ABHD2: variants seen among roughly 807,000 people sequenced by gnomAD.
ABHD2 encodes the protein abhydrolase domain containing 2, acylglycerol lipase.
In ABHD2, 20 loss-of-function variants were observed where a neutral mutation model predicts 48.1. That is an observed-to-expected ratio of 0.42 (90% CI 0.29 to 0.60). The LOEUF (loss-of-function observed/expected upper bound fraction) is 0.60, where lower values mean the gene tolerates loss of function less well. ABHD2 is among the 20% of genes least tolerant of loss of function. ABHD2 has a pLI of 0.24. For synonymous variants in ABHD2, 209 were observed against 214.2 expected (o/e 0.98, Z 0.21); for missense variants, 405 against 550.9 (o/e 0.74, Z 2.65).
chr15:89,081,973 G>C, the ABHD2 span, among the ~76,000 whole-genome samples: 1 of 152,118 alleles, frequency 6.6e-6, no homozygotes, highest in African/African-American at 2.4e-5. Flanking sequence ...CGGCCCACAA[G>C]GTTTCTCAAC....
At chr15:89,082,807 T>C (rs1901303390), upstream of ABHD2, 1 of 152,212 alleles carries the variant, frequency 6.6e-6, no homozygotes, top group African/African-American at 2.4e-5. The surrounding 1 kb of genome is among the most constrained non-coding windows in gnomAD (Gnocchi z 4.4). Context: ...TTTAAATATA[T>C]GGTAAAATAA....
At position 89,201,473 on chromosome 15, in the gene ABHD2, C is replaced by T; in HGVS notation, c.*6050C>T. The T allele has an allele frequency of 6.5e-7, 1 of 1,527,786 alleles. No individual in the cohort carries two copies. Among genetic ancestry groups the T allele is most frequent in the Non-Finnish European group, 9.0e-7 (1 of 1,108,332 alleles). The allele number at this position is 1,527,786 out of a possible 1,614,324, so 94.6% of individuals were successfully genotyped here. Reference sequence around the variant, plus strand: ...TCATGAGGTTTTGCCTCATTCCACACAGCTTCCATATCTGAAGTGTTTAGT... The same window carrying T: ...TCATGAGGTTTTGCCTCATTCCACATAGCTTCCATATCTGAAGTGTTTAGT... On this transcript the variant is annotated 3_prime_UTR_variant, in exon 11 of 11. Transcript: ENST00000352732.
intron 5 of ABHD2, among the ~76,000 whole-genome samples, chr15:89,162,842 G>C (rs1277958001): frequency 6.6e-6 from 1 of 152,198 alleles, no homozygotes; most frequent in Non-Finnish European, 1.5e-5. Flanking sequence ...CACTCCATGA[G>C]AGCAGGCAGT....
rs1191653904 is a variant in ABHD2 at position 89,188,369 on chromosome 15, G to T, written c.926+66G>T. ...GTGCCAGGCAGGAGGCTGCAGGTCA[G>T]CTGTGCCCAGCACTAGTGTTTGCTC... On this transcript the variant is annotated intron_variant, in intron 8 of 10. Coordinates refer to ENST00000352732, the MANE Select transcript of ABHD2 (RefSeq NM_152924.5). The surrounding 1 kb of genome is among the most constrained non-coding windows in gnomAD (Gnocchi z 4.1). The T allele has an allele frequency of 4.2e-6, 6 of 1,417,064 alleles. No homozygotes were observed. The highest frequency in any genetic ancestry group is 6.0e-6 in the Non-Finnish European group (6 of 1,007,236). 87.8% of individuals were successfully genotyped at this position (1,417,064 alleles called of 1,614,324 possible).
Position 89,185,831 on chromosome 15 carries a change from T to C in ABHD2, c.815+315T>C, listed in dbSNP as rs558251591. On this transcript the variant is annotated intron_variant, in intron 7 of 10. Coordinates refer to ENST00000352732, the MANE Select transcript of ABHD2 (RefSeq NM_152924.5). This position sits in a 1 kb window ranked among gnomAD's most constrained non-coding sequence, Gnocchi z 5.9. Reference sequence around the variant, plus strand: ...CAAAAATACAAAAATTAGCTGGGCATGATGGTGCCGCTGTAATCCCAGCTA... The same window carrying C: ...CAAAAATACAAAAATTAGCTGGGCACGATGGTGCCGCTGTAATCCCAGCTA... Among the ~76,000 whole-genome samples, 8 of 152,128 alleles carry C rather than the reference T, an allele frequency of 5.3e-5. No individual in the cohort carries two copies. Among genetic ancestry groups the C allele is most frequent in the African/African-American group, 1.7e-4 (7 of 41,508 alleles).
At chr15:89,127,231 A>G (rs2050143186) in intron 3 of ABHD2, among the ~76,000 whole-genome samples, 1 of 152,142 alleles carries the variant, frequency 6.6e-6, no homozygotes, top group Admixed American at 6.5e-5. Flanking sequence ...ACCTGCTGTC[A>G]GTTTCTAATC....
the ABHD2 span, among the ~76,000 whole-genome samples, chr15:89,058,955 G>A: frequency 6.6e-6 from 1 of 152,180 alleles, no homozygotes; most frequent in Non-Finnish European, 1.5e-5. Flanking sequence ...ACCTTCATCT[G>A]CCTAGTCACC....
chr15:89,079,484 AAAATAAACCTCTACATG>A, the ABHD2 span, among the ~76,000 whole-genome samples: 1 of 142,754 alleles, frequency 7.0e-6, no homozygotes, highest in South Asian at 2.1e-4. This position sits in a 1 kb window ranked among gnomAD's most constrained non-coding sequence, Gnocchi z 4.3. Context: ...TCTACATGGC[AAAATAAACCTCTACATG>A]GCAAAATAAA....
rs1393417465 is a variant in ABHD2, at chr15:89,188,365, GT to G, written c.926+63del. ...CAGGGTGCCAGGCAGGAGGCTGCAG[GT>G]CAGCTGTGCCCAGCACTAGTGTTTG... On this transcript the variant is annotated intron_variant, in intron 8 of 10. Coordinates refer to ENST00000352732, the MANE Select transcript of ABHD2 (RefSeq NM_152924.5). The surrounding 1 kb of genome is among the most constrained non-coding windows in gnomAD (Gnocchi z 4.1). 7 of 1,473,046 alleles carry G rather than the reference GT, an allele frequency of 4.8e-6. No homozygotes were observed. In the African/African-American group the frequency reaches 9.7e-5, roughly 20 times the overall value. The allele number at this position is 1,473,046 out of a possible 1,614,324, so 91.2% of individuals were successfully genotyped here.
At chr15:89,070,812 C>T in the ABHD2 span, among the ~76,000 whole-genome samples, 1 of 152,014 alleles carries the variant, frequency 6.6e-6, no homozygotes, top group Non-Finnish European at 1.5e-5. Context: ...CATAAGGGGC[C>T]CCCTATCCTG....
chr15:89,069,592 T>C, the ABHD2 span, among the ~76,000 whole-genome samples: 1 of 151,946 alleles, frequency 6.6e-6, no homozygotes. Flanking sequence ...CTAAATAATA[T>C]ATTGTTTAGT....
chr15:89,082,743 T>G (rs183535580), upstream of ABHD2: 4 of 150,930 alleles, frequency 2.7e-5, no homozygotes, highest in East Asian at 5.8e-4. This position sits in a 1 kb window ranked among gnomAD's most constrained non-coding sequence, Gnocchi z 4.4. Context: ...GATTCTGTCT[T>G]TCTAGTATTA....
At chr15:89,180,159 C>A (rs1189944845) in intron 6 of ABHD2, among the ~76,000 whole-genome samples, 1 of 152,188 alleles carries the variant, frequency 6.6e-6, no homozygotes, top group Non-Finnish European at 1.5e-5. Flanking sequence ...TTAAATGAGA[C>A]TCTATGGACG....
chr15:89,087,429 T>C (rs1901398682), upstream of ABHD2: 1 of 152,254 alleles, frequency 6.6e-6, no homozygotes, highest in Non-Finnish European at 1.5e-5. The surrounding 1 kb of genome is among the most constrained non-coding windows in gnomAD (Gnocchi z 5.5). Flanking sequence ...GCTCAAGTGT[T>C]CTATTCTTGG....
chr15:89,181,754 G>A (rs1382766155), intron 6 of ABHD2, among the ~76,000 whole-genome samples: 1 of 152,100 alleles, frequency 6.6e-6, no homozygotes, highest in Non-Finnish European at 1.5e-5. Flanking sequence ...ATCAGTACTT[G>A]GTCCACTCAC....
Position 89,175,563 on chromosome 15 carries a change from G to T in ABHD2, c.539-249G>T, listed in dbSNP as rs574391044. ...TACATTTGATACATGGTACCTCCAC[G>T]CTTTGGCACTGCTGAGGCCCTGTTT... On this transcript the variant is annotated intron_variant, in intron 5 of 10. Coordinates refer to ENST00000352732, the MANE Select transcript of ABHD2 (RefSeq NM_152924.5). This position sits in a 1 kb window ranked among gnomAD's most constrained non-coding sequence, Gnocchi z 5.7. 6.6e-6 allele frequency among the ~76,000 whole-genome samples: 1 copy of T among 152,198 alleles called. No individual in the cohort carries two copies. The highest frequency in any genetic ancestry group is 2.1e-4 in the South Asian group (1 of 4,820).
chr15:89,157,333 T>C (rs2150898160), intron 5 of ABHD2, among the ~76,000 whole-genome samples: 1 of 152,328 alleles, frequency 6.6e-6, no homozygotes, highest in African/African-American at 2.4e-5. Flanking sequence ...TCATTCCAAT[T>C]ACGTTGCCAC....
intron 3 of ABHD2, among the ~76,000 whole-genome samples, chr15:89,119,863 T>C (rs1280315486): frequency 1.3e-5 from 2 of 152,176 alleles, no homozygotes; most frequent in African/African-American, 2.4e-5. Flanking sequence ...AGGAAACACG[T>C]CTGTTATGAG....
At chr15:89,110,984 C>T (rs1004456861) in intron 1 of ABHD2, among the ~76,000 whole-genome samples, 3 of 152,080 alleles carry the variant, frequency 2.0e-5, no homozygotes, top group Non-Finnish European at 4.4e-5. Context: ...TGCCACTGGG[C>T]GTAAGAGCAC....
Sources: gnomAD v4.1 joint callset for allele counts (sites outside exome capture counted in the v4.1 genomes callset) on GRCh38, gnomAD v4.1.1 for gene constraint, Gnocchi (gnomAD v3.1) non-coding constraint, MANE v1.5 for transcripts, NCBI Gene and HGNC (gene_info 2026-07-23, HGNC 2026-07-21) for gene names.